Variants in IL1RAPL2 observed in about 807,000 individuals in gnomAD.
The protein encoded by IL1RAPL2 is X-linked interleukin-1 receptor accessory protein-like 2.
IL1RAPL2 carries 3 observed loss-of-function variants against 44.1 expected under a neutral mutation model. That is an observed-to-expected ratio of 0.07 (90% confidence interval 0.03 to 0.18). The LOEUF is 0.18. Ranked by LOEUF, IL1RAPL2 falls within the 10% of genes least tolerant of loss-of-function variation. IL1RAPL2 has a pLI of 1.00. For synonymous variants in IL1RAPL2, 181 were observed against 178.8 expected (o/e 1.01, Z -0.10); for missense variants, 391 against 496.4 (o/e 0.79, Z 2.02).
At chrX:105,378,134 T>G (rs1348050823) in intron 5 of IL1RAPL2, among the ~76,000 whole-genome samples, 1 of 111,732 alleles carries the variant, frequency 8.9e-6, no homozygotes, top group Non-Finnish European at 1.9e-5. Flanking sequence ...TCTCCTTGTT[T>G]CATGGAAACT....
chrX:104,979,386 G>A (rs2030396100), intron 2 of IL1RAPL2, among the ~76,000 whole-genome samples: 1 of 111,236 alleles, frequency 9.0e-6, no homozygotes, highest in Non-Finnish European at 1.9e-5. Context: ...GGAGATCTTG[G>A]CATATAAAAT....
chrX:104,942,985 G>C (rs1018856335), intron 2 of IL1RAPL2, among the ~76,000 whole-genome samples: 2 of 111,407 alleles, frequency 1.8e-5, no homozygotes, highest in Admixed American at 9.6e-5. Flanking sequence ...TGTTTATATG[G>C]TGGATTACAT....
intron 2 of IL1RAPL2, among the ~76,000 whole-genome samples, chrX:105,057,989 C>T (rs2032018886): frequency 9.5e-6 from 1 of 104,721 alleles, no homozygotes; most frequent in African/African-American, 3.5e-5. Flanking sequence ...CACTCTGTCG[C>T]CCAGGCTGGA....
intron 5 of IL1RAPL2, among the ~76,000 whole-genome samples, chrX:105,367,210 T>A (rs1394576938): frequency 9.0e-6 from 1 of 111,725 alleles, no homozygotes; most frequent in East Asian, 2.8e-4. Context: ...TTTGAGTCTA[T>A]ATGTGTCTTT....
intron 5 of IL1RAPL2, among the ~76,000 whole-genome samples, chrX:105,325,406 A>G (rs1297912219): frequency 9.1e-6 from 1 of 109,515 alleles, no homozygotes; most frequent in East Asian, 2.8e-4. Context: ...TAGATATACT[A>G]TATTTTATTT....
chrX:104,813,593 G>T (rs1921055783), intron 2 of IL1RAPL2, among the ~76,000 whole-genome samples: 1 of 111,512 alleles, frequency 9.0e-6, no homozygotes, highest in Admixed American at 9.6e-5. Context: ...CCACAGAGTT[G>T]TATACCTCCC....
chrX:105,353,524 G>A (rs961017782), intron 5 of IL1RAPL2, among the ~76,000 whole-genome samples: 1 of 111,722 alleles, frequency 9.0e-6, no homozygotes, highest in African/African-American at 3.3e-5. Context: ...ACCTTGGGCA[G>A]TATGGCCATT....
chrX:105,527,505 T>G (rs779834171), intron 6 of IL1RAPL2, among the ~76,000 whole-genome samples: 1 of 108,922 alleles, frequency 9.2e-6, no homozygotes, highest in South Asian at 4.1e-4. Flanking sequence ...ATTTTAATGT[T>G]GTTGTTGTTT....
At chrX:105,676,951 T>C (rs1388826706) in intron 6 of IL1RAPL2, among the ~76,000 whole-genome samples, 2 of 112,151 alleles carry the variant, frequency 1.8e-5, no homozygotes, top group Non-Finnish European at 3.8e-5. Flanking sequence ...AAATTATATT[T>C]AACAAGATAC....
At chrX:104,628,601 G>C (rs1364330457) in intron 1 of IL1RAPL2, among the ~76,000 whole-genome samples, 1 of 111,830 alleles carries the variant, frequency 8.9e-6, no homozygotes, top group African/African-American at 3.3e-5. Context: ...CAATAAATAT[G>C]GAGGTCCAGG....
chrX:105,217,997 C>T lies in IL1RAPL2; in HGVS notation c.357-15821C>T, dbSNP rs1415579732. ...CATTACGACAAATATCTAACACATGCGGAGCTTAAAACCTAGATGAAGGGT... is the reference window on the plus strand; with the variant it reads ...CATTACGACAAATATCTAACACATGTGGAGCTTAAAACCTAGATGAAGGGT... On this transcript the variant is annotated intron_variant, in intron 3 of 10. Transcript: ENST00000372582. Among the ~76,000 whole-genome samples, 14 of 110,429 alleles carry T rather than the reference C, an allele frequency of 1.3e-4. No individual in the cohort carries two copies. In the Admixed American group the frequency reaches 1.3e-3, roughly 11 times the overall value.
rs781393068 is a variant in IL1RAPL2 at position 105,265,740 on chromosome X, A to ATG, written c.544-1648_544-1647insTG. Among the ~76,000 whole-genome samples, 49 of 86,441 alleles carry ATG rather than the reference A, an allele frequency of 5.7e-4. No homozygotes were observed. The South Asian group carries it at 6.6e-3, about 12-fold the overall frequency. 75.1% of individuals were successfully genotyped at this position (86,441 alleles called of 115,157 possible). Reference sequence around the variant, plus strand: ...ATTCCTGCTAACATGAAAGAAAAAAAATGTTATGAAAAAAATGGGTACTCG... The same window carrying ATG: ...ATTCCTGCTAACATGAAAGAAAAAAATGATGTTATGAAAAAAATGGGTACTCG... On this transcript the variant is annotated intron_variant, in intron 4 of 10. Coordinates refer to ENST00000372582, the MANE Select transcript of IL1RAPL2 (RefSeq NM_017416.2).
chrX:104,738,310 G>T (rs777329054), intron 2 of IL1RAPL2, among the ~76,000 whole-genome samples: 1 of 112,320 alleles, frequency 8.9e-6, no homozygotes, highest in African/African-American at 3.2e-5. Context: ...GGTAGAGAGA[G>T]GATTAATGAA....
At chrX:104,934,354 A>G (rs1468306630) in intron 2 of IL1RAPL2, among the ~76,000 whole-genome samples, 1 of 111,401 alleles carries the variant, frequency 9.0e-6, no homozygotes, top group Non-Finnish European at 1.9e-5. Context: ...AATAAAAATT[A>G]GGCAACAAAA....
intron 6 of IL1RAPL2, among the ~76,000 whole-genome samples, chrX:105,656,980 T>C (rs1473399921): frequency 5.5e-5 from 4 of 73,195 alleles, no homozygotes. Context: ...CTATTTTAGA[T>C]TTCTTTTACC....
At chrX:104,970,397 A>G (rs2030210203) in intron 2 of IL1RAPL2, among the ~76,000 whole-genome samples, 1 of 112,091 alleles carries the variant, frequency 8.9e-6, no homozygotes, top group Non-Finnish European at 1.9e-5. Context: ...ACTTTTATTG[A>G]AACAGCAGTG....
chrX:104,909,811 C>T (rs1924171188), intron 2 of IL1RAPL2, among the ~76,000 whole-genome samples: 1 of 112,707 alleles, frequency 8.9e-6, no homozygotes, highest in Non-Finnish European at 1.9e-5. Context: ...TGTCTGTGCC[C>T]TGCCCCTAGA....
chrX:105,336,340 G>C (rs1602363571), intron 5 of IL1RAPL2, among the ~76,000 whole-genome samples: 1 of 112,255 alleles, frequency 8.9e-6, no homozygotes, highest in African/African-American at 3.2e-5. Context: ...ACTCAATGTG[G>C]CCTAATGTTC....
At chrX:105,447,861 A>G (rs2035983689) in intron 5 of IL1RAPL2, among the ~76,000 whole-genome samples, 1 of 93,627 alleles carries the variant, frequency 1.1e-5, no homozygotes, top group Non-Finnish European at 2.0e-5. Flanking sequence ...ATAAATATAT[A>G]TAAATATATT....
Sources: allele counts gnomAD v4.1 joint callset (sites outside exome capture counted in the v4.1 genomes callset), GRCh38; gene constraint gnomAD v4.1.1; transcripts MANE v1.5; gene names NCBI Gene and HGNC (gene_info 2026-07-23, HGNC 2026-07-21).